The following GABRB1 variants were observed in gnomAD, a reference collection of about 807,000 sequenced individuals.
The protein encoded by GABRB1 is gamma-aminobutyric acid type A receptor subunit beta1.
GABRB1 carries 17 observed loss-of-function variants against 51.6 expected under a neutral mutation model. The ratio of observed to expected loss-of-function variants is 0.33; its 90% CI spans 0.23 to 0.49. The LOEUF (loss-of-function observed/expected upper bound fraction) is 0.49. GABRB1 is among the 20% of genes least tolerant of loss of function. The pLI, the probability that GABRB1 is intolerant of heterozygous loss-of-function variation, is 0.99. For missense variants in GABRB1, 410 were observed against 600.6 expected, an observed-to-expected ratio of 0.68 and a Z score of 3.32; for synonymous variants, 247 against 218.9, an observed-to-expected ratio of 1.13 and a Z score of -1.14.
intron 4 of GABRB1, among the ~76,000 whole-genome samples, chr4:47,227,593 G>T (rs553513142): frequency 6.6e-6 from 1 of 152,260 alleles, no homozygotes; most frequent in South Asian, 2.1e-4. Flanking sequence ...CCTGAGTTTA[G>T]ATTCATCTTA....
At chr4:47,392,133 G>A (rs1211914123) in intron 5 of GABRB1, among the ~76,000 whole-genome samples, 2 of 151,662 alleles carry the variant, frequency 1.3e-5, no homozygotes, top group African/African-American at 2.4e-5. Flanking sequence ...AGTGCTAAAC[G>A]GGCAGATGTC....
At chr4:47,160,761 T>C (rs1717910644) in intron 3 of GABRB1, among the ~76,000 whole-genome samples, 1 of 150,498 alleles carries the variant, frequency 6.6e-6, no homozygotes, top group East Asian at 2.0e-4. Context: ...TTATTATTTA[T>C]TTATTTATTT....
chr4:47,017,626 T>C (rs559177110), intron 1 of GABRB1, among the ~76,000 whole-genome samples: 2,412 of 152,118 alleles, frequency 0.016, 37 homozygotes, highest in East Asian at 0.025. Flanking sequence ...ATTTATTTTT[T>C]CACACTCACA....
chr4:47,410,778 C>A (rs1728736616), intron 8 of GABRB1, among the ~76,000 whole-genome samples: 2 of 152,256 alleles, frequency 1.3e-5, no homozygotes, highest in Admixed American at 6.5e-5. Context: ...TTGAATCCAG[C>A]CTGTTGGGGA....
intron 4 of GABRB1, among the ~76,000 whole-genome samples, chr4:47,189,584 C>T (rs1719343116): frequency 1.3e-5 from 2 of 151,594 alleles, no homozygotes; most frequent in South Asian, 2.1e-4. Flanking sequence ...ATATTCTATC[C>T]TTATTGAGGG....
intron 5 of GABRB1, among the ~76,000 whole-genome samples, chr4:47,364,111 A>G (rs938036485): frequency 2.0e-5 from 3 of 152,354 alleles, no homozygotes; most frequent in Admixed American, 6.5e-5. Flanking sequence ...GAGACACAAT[A>G]TAACAGCAGC....
At chr4:47,128,004 A>T (rs1716238701) in intron 3 of GABRB1, among the ~76,000 whole-genome samples, 1 of 151,754 alleles carries the variant, frequency 6.6e-6, no homozygotes, top group Non-Finnish European at 1.5e-5. Context: ...ACAAATTTAC[A>T]ACTAAGAAAG....
At chr4:47,123,739 AT>A (rs1459504826) in intron 3 of GABRB1, among the ~76,000 whole-genome samples, 10 of 87,898 alleles carry the variant, frequency 1.1e-4, no homozygotes, top group Admixed American at 3.8e-4. Context: ...ATCATATATT[AT>A]TATATATATA....
rs1299846916 is a variant in GABRB1 at position 47,426,108 on chromosome 4, G to A, written c.*90G>A. ...CCCAACAGCGATACTGCTGTTTCTCGAGGTAAGAGATTCAGCCATCCAATT... is the reference window on the plus strand; with the variant it reads ...CCCAACAGCGATACTGCTGTTTCTCAAGGTAAGAGATTCAGCCATCCAATT... On this transcript the variant is annotated 3_prime_UTR_variant, in exon 9 of 9. Coordinates refer to ENST00000295454, the MANE Select transcript of GABRB1 (RefSeq NM_000812.4). 2 of 1,047,850 alleles carry A rather than the reference G, an allele frequency of 1.9e-6. No homozygotes were observed. The highest frequency in any genetic ancestry group is 2.8e-6 in the Non-Finnish European group (2 of 726,020). The allele number at this position is 1,047,850 out of a possible 1,614,324, so 64.9% of individuals were successfully genotyped here. A position where few individuals can be genotyped will look rare whatever the true frequency, so the allele number is the denominator to read the frequency against.
In GABRB1 at chr4:47,157,893, C is replaced by T. The variant is rs117739686; in HGVS notation, c.241-3356C>T. On this transcript the variant is annotated intron_variant, in intron 3 of 8. Coordinates refer to ENST00000295454, the MANE Select transcript of GABRB1 (RefSeq NM_000812.4). The stretch of plus-strand genomic sequence containing the variant: ...AGACCAGGTGTGAAGGGCACTTGCT[C>T]CCCCTTACCTACTCACAGGTGTAAT... 3.9e-5 allele frequency among the ~76,000 whole-genome samples: 6 copies of T among 152,164 alleles called. No individual in the cohort carries two copies. The East Asian group carries it at 1.2e-3, about 29-fold the overall frequency.
rs2109466293 is a variant in GABRB1, at chr4:47,031,929, C to T, written c.96C>T (p.Ser32=). ...VCCAHSTNEP[S]NMSYVKETVD... ...TTCCCCTTAGCACCAATGAACCCAG[C>T]AACATGTCATACGTGAAAGAGACAG... Residue 32 remains serine, a synonymous_variant, in exon 2 of 9, where the codon AGC becomes AGT. Transcript: ENST00000295454. 3.1e-6 allele frequency: 5 copies of T among 1,613,948 alleles called. No homozygotes were observed. Among genetic ancestry groups the T allele is most frequent in the Non-Finnish European group, 4.2e-6 (5 of 1,179,906 alleles).
chr4:47,414,449 G>A lies in GABRB1; in HGVS notation c.1080+7523G>A, dbSNP rs139118858. ...AAGACAAATGGTTGCATTCTTTTGA[G>A]TTTCTGATTAGCATCTCCAAAGGAG... On this transcript the variant is annotated intron_variant, in intron 8 of 8. Transcript: ENST00000295454. Among the ~76,000 whole-genome samples, 404 of 152,318 alleles carry A rather than the reference G, an allele frequency of 2.7e-3. 1 individual carries two copies. Among genetic ancestry groups the A allele is most frequent in the African/African-American group, 9.4e-3 (389 of 41,554 alleles).
chr4:47,102,558 T>C lies in GABRB1; in HGVS notation c.241-58691T>C, dbSNP rs529371791. On this transcript the variant is annotated intron_variant, in intron 3 of 8. Transcript: ENST00000295454. ...GAGTCAGGGTTAGATTCCAGAGAAA[T>C]GAAGCCTAAGTTGAGTCCTGAAGCA... is the stretch of plus-strand genomic sequence containing the variant. Among the ~76,000 whole-genome samples the C allele has an allele frequency of 2.0e-5, 3 of 152,004 alleles. No homozygotes were observed. The South Asian group carries it at 6.2e-4, about 32-fold the overall frequency.
At chr4:47,382,788 C>T (rs543241726) in intron 5 of GABRB1, among the ~76,000 whole-genome samples, 6 of 152,324 alleles carry the variant, frequency 3.9e-5, no homozygotes, top group African/African-American at 1.4e-4. Context: ...GCAGGACTTC[C>T]TATTTCATGG....
At chr4:47,029,846 G>A (rs1413784670), upstream of GABRB1, among the ~76,000 whole-genome samples, 3 of 151,696 alleles carry the variant, frequency 2.0e-5, no homozygotes, top group African/African-American at 7.3e-5. Context: ...CTCTCTATTT[G>A]CTCGTACTAT....
chr4:47,279,109 T>TGGAC (rs1723186977), intron 4 of GABRB1, among the ~76,000 whole-genome samples: 2 of 151,824 alleles, frequency 1.3e-5, no homozygotes, highest in Admixed American at 1.3e-4. Context: ...GATGGATGGA[T>TGGAC]GGATGGATGG....
intron 5 of GABRB1, among the ~76,000 whole-genome samples, chr4:47,371,463 T>C (rs1160446252): frequency 1.3e-5 from 2 of 152,232 alleles, no homozygotes; most frequent in Non-Finnish European, 2.9e-5. Context: ...AGTAATGGGA[T>C]TGCTGGTTCA....
chr4:47,236,300 C>T (rs966899481), intron 4 of GABRB1, among the ~76,000 whole-genome samples: 1 of 151,800 alleles, frequency 6.6e-6, no homozygotes, highest in Non-Finnish European at 1.5e-5. Flanking sequence ...GGACACTTGC[C>T]CTGCCAACAA....
At chr4:47,009,516 T>C (rs1724527983) in intron 1 of GABRB1, among the ~76,000 whole-genome samples, 1 of 152,146 alleles carries the variant, frequency 6.6e-6, no homozygotes, top group African/African-American at 2.4e-5. Flanking sequence ...TCAATTTTAG[T>C]TTTTTTAAGA....
Sources: allele counts gnomAD v4.1 joint callset (sites outside exome capture counted in the v4.1 genomes callset), GRCh38; gene constraint gnomAD v4.1.1; transcripts MANE v1.5; gene names NCBI Gene and HGNC (gene_info 2026-07-23, HGNC 2026-07-21).